Variants in BACH1 observed in about 807,000 individuals in gnomAD.
BACH1 encodes the protein transcription regulator protein BACH1.
Under a neutral mutation model 52.9 loss-of-function variants are expected in BACH1, and 35 were observed. The ratio of observed to expected loss-of-function variants is 0.66; its 90% confidence interval spans 0.51 to 0.88. BACH1 has a LOEUF of 0.88. BACH1 is among the 40% of genes least tolerant of loss of function. BACH1 has a pLI of 0.00. For missense variants in BACH1, 808 were observed against 872.6 expected (o/e 0.93, Z 0.93); for synonymous variants, 321 against 319.6 (o/e 1.00, Z -0.05).
intron 2 of BACH1, among the ~76,000 whole-genome samples, chr21:29,324,419 G>A (rs529171405): frequency 6.6e-6 from 1 of 152,054 alleles, no homozygotes; most frequent in Non-Finnish European, 1.5e-5. Flanking sequence ...TTCTAAAAAT[G>A]TTATATAAAT....
rs1262199753 is a variant in BACH1, at chr21:29,299,199, A to G, written c.-61+246A>G. ...TCCCGTCGGCGGCCGAACCCCCTGC[A>G]CTGCCGGAGCTGTTGTTTACCCGCG... On this transcript the variant is annotated intron_variant, in intron 1 of 4. Coordinates refer to ENST00000286800, the MANE Select transcript of BACH1 (RefSeq NM_001186.4). 2.6e-5 allele frequency among the ~76,000 whole-genome samples: 4 copies of G among 151,350 alleles called. No individual in the cohort carries two copies. In the East Asian group the frequency reaches 7.8e-4, roughly 29 times the overall value.
At chr21:29,299,877 G>A (rs1039597245) in intron 1 of BACH1, 5 of 152,204 alleles carry the variant, frequency 3.3e-5, no homozygotes, top group African/African-American at 1.2e-4. Flanking sequence ...GGAGAATTGT[G>A]TAGGGGTAGG....
At chr21:29,334,847 G>A (rs2089025824) in intron 4 of BACH1, among the ~76,000 whole-genome samples, 1 of 152,148 alleles carries the variant, frequency 6.6e-6, no homozygotes, top group African/African-American at 2.4e-5. Context: ...AAATAAACCT[G>A]TCCTATTCAC....
At chr21:29,350,399 CAA>C (rs1334563958), downstream of BACH1, among the ~76,000 whole-genome samples, 1 of 152,102 alleles carries the variant, frequency 6.6e-6, no homozygotes, top group East Asian at 1.9e-4. Context: ...GATGGGAAAC[CAA>C]AACAAAACCT....
intron 1 of BACH1, among the ~76,000 whole-genome samples, chr21:29,306,413 C>G: frequency 6.6e-6 from 1 of 150,582 alleles, no homozygotes; most frequent in South Asian, 2.1e-4. Context: ...AAATTTTTCC[C>G]TAAAGCCTCA....
At chr21:29,312,295 C>T (rs2088734291) in intron 1 of BACH1, among the ~76,000 whole-genome samples, 2 of 152,184 alleles carry the variant, frequency 1.3e-5, no homozygotes, top group African/African-American at 2.4e-5. Context: ...TTGCACCCGC[C>T]TCTCTGCCCA....
chr21:29,351,690 G>A (rs142619217), intron 2 of BACH1: 171 of 534,652 alleles, frequency 3.2e-4, no homozygotes, highest in African/African-American at 3.1e-3. Flanking sequence ...TGAGAACTCT[G>A]GATACCTGCT....
chr21:29,348,336 C>T (rs1294316570), downstream of BACH1, among the ~76,000 whole-genome samples: 1 of 152,130 alleles, frequency 6.6e-6, no homozygotes, highest in Non-Finnish European at 1.5e-5. Context: ...ATAGCCTTGG[C>T]CCCACAACCA....
chr21:29,339,629 G>GT (rs34979217), intron 4 of BACH1, among the ~76,000 whole-genome samples: 1,705 of 98,530 alleles, frequency 0.017, 41 homozygotes, highest in African/African-American at 0.045. Flanking sequence ...AGATGCAAAG[G>GT]TTTTTTTTTT....
Position 29,326,450 on chromosome 21 carries a change from C to T in BACH1, c.626C>T (p.Ser209Phe). 1 of 1,614,218 alleles carries T rather than the reference C, an allele frequency of 6.2e-7. No homozygotes were observed. The highest frequency in any genetic ancestry group is 8.5e-7 in the Non-Finnish European group (1 of 1,180,042). The change falls in exon 3 of 5, where the codon TCC (serine) becomes TTC (phenylalanine). Residue 209 changes from serine (S) to phenylalanine (F), a missense_variant. Ser to Phe is a radical substitution (Grantham distance 155). Transcript: ENST00000286800. ...GACAGTGCCAGTCAGACATATGAGT[C>T]CATGTGCTTAGAGAAGGATGCTGCT... is the stretch of plus-strand genomic sequence containing the variant. ...LQDSASQTYE[S>F]MCLEKDAALA...
chr21:29,347,310 G>A (rs1462692976), downstream of BACH1, among the ~76,000 whole-genome samples: 1 of 152,178 alleles, frequency 6.6e-6, no homozygotes, highest in African/African-American at 2.4e-5. Flanking sequence ...AAGGGGCAGA[G>A]CTCTTAGAGG....
chr21:29,334,982 G>T (rs1601362820), intron 4 of BACH1, among the ~76,000 whole-genome samples: 1 of 152,146 alleles, frequency 6.6e-6, no homozygotes, highest in African/African-American at 2.4e-5. Flanking sequence ...TGTCCCATTG[G>T]CATCATAGTT....
chr21:29,324,682 C>T (rs1437029891), intron 2 of BACH1, among the ~76,000 whole-genome samples: 1 of 151,446 alleles, frequency 6.6e-6, no homozygotes, highest in African/African-American at 2.4e-5. Flanking sequence ...CATTTGTGTA[C>T]TGGTTTTTGT....
At chr21:29,339,530 A>G (rs756316297) in intron 4 of BACH1, among the ~76,000 whole-genome samples, 3 of 151,276 alleles carry the variant, frequency 2.0e-5, no homozygotes, top group African/African-American at 7.3e-5. Context: ...AAATTCTTCT[A>G]TATCTTTATT....
intron 1 of BACH1, among the ~76,000 whole-genome samples, chr21:29,319,576 G>A (rs1851186378): frequency 6.6e-6 from 1 of 151,602 alleles, no homozygotes; most frequent in Non-Finnish European, 1.5e-5. Context: ...ACTGCACATT[G>A]TAAATTTATA....
Position 29,326,380 on chromosome 21 carries a change from C to T in BACH1, c.556C>T (p.Leu186Phe). The change falls in exon 3 of 5, where the codon CTC becomes TTC. Residue 186 changes from leucine (L) to phenylalanine (F), a missense_variant. Transcript: ENST00000286800. Reference protein sequence around the residue: ...NKNVQTPQCKLRRYQGNAKAS... With the variant: ...NKNVQTPQCKFRRYQGNAKAS... ...AAATGTTCAGACTCCTCAGTGTAAA[C>T]TCCGCAGGTATCAAGGAAATGCAAA... The T allele has an allele frequency of 5.0e-6, 8 of 1,614,226 alleles. No homozygotes were observed. The highest frequency in any genetic ancestry group is 1.1e-5 in the South Asian group (1 of 91,084).
At chr21:29,328,946 C>T (rs1445829987) in intron 3 of BACH1, among the ~76,000 whole-genome samples, 1 of 152,188 alleles carries the variant, frequency 6.6e-6, no homozygotes, top group Non-Finnish European at 1.5e-5. Context: ...TTTATCCGTT[C>T]ATCCATCCAT....
chr21:29,325,378 T>C (rs563319502), intron 2 of BACH1, among the ~76,000 whole-genome samples: 4 of 152,284 alleles, frequency 2.6e-5, no homozygotes, highest in African/African-American at 9.6e-5. Flanking sequence ...AAGAGGCAGG[T>C]TTAATGTAAA....
intron 2 of BACH1, among the ~76,000 whole-genome samples, chr21:29,358,493 G>A (rs1413831299): frequency 2.0e-5 from 3 of 152,160 alleles, no homozygotes; most frequent in Non-Finnish European, 1.5e-5. Flanking sequence ...TGTAATCCCA[G>A]CACTTTGGGA....
Sources: gnomAD v4.1 joint callset for allele counts (sites outside exome capture counted in the v4.1 genomes callset) on GRCh38, gnomAD v4.1.1 for gene constraint, MANE v1.5 for transcripts, NCBI Gene and HGNC (gene_info 2026-07-23, HGNC 2026-07-21) for gene names.